The following ASPHD2 variants were observed in gnomAD, a reference collection of about 807,000 sequenced individuals.
ASPHD2 encodes the protein aspartate beta-hydroxylase domain containing 2.
ASPHD2 carries 12 observed loss-of-function variants against 34.6 expected under a neutral mutation model. The ratio of observed to expected loss-of-function variants is 0.35; its 90% confidence interval spans 0.22 to 0.56. ASPHD2 has a LOEUF of 0.56. ASPHD2 is among the 20% of genes least tolerant of loss of function. The probability of loss-of-function intolerance (pLI) is 0.87; values close to 1 mark genes in which losing one functional copy is unlikely to be tolerated. For synonymous variants in ASPHD2, 224 were observed against 212.2 expected, an observed-to-expected ratio of 1.06 and a Z score of -0.48; for missense variants, 375 against 505.0, an observed-to-expected ratio of 0.74 and a Z score of 2.47.
chr22:26,438,216 C>T (rs1326520868), intron 2 of ASPHD2, among the ~76,000 whole-genome samples: 2 of 152,138 alleles, frequency 1.3e-5, no homozygotes, highest in South Asian at 2.1e-4. Context: ...AGTAGGGGCA[C>T]ACGCCAAAGG....
intron 2 of ASPHD2, among the ~76,000 whole-genome samples, chr22:26,441,366 T>A (rs1419176085): frequency 6.6e-6 from 1 of 150,890 alleles, no homozygotes; most frequent in East Asian, 1.9e-4. Flanking sequence ...TAGTCTCAGC[T>A]ACTCAAGAGG....
At chr22:26,436,917 T>G (rs1193385644) in intron 2 of ASPHD2, among the ~76,000 whole-genome samples, 1 of 152,068 alleles carries the variant, frequency 6.6e-6, no homozygotes, top group Admixed American at 6.6e-5. Context: ...TGTCATTCCT[T>G]TCTCAGCCCA....
intron 1 of ASPHD2, among the ~76,000 whole-genome samples, chr22:26,430,559 G>GGA (rs914575592): frequency 2.0e-5 from 3 of 152,218 alleles, no homozygotes; most frequent in African/African-American, 7.2e-5. Flanking sequence ...AGCTGTCGGG[G>GGA]GAGAGAGTCT....
At chr22:26,438,622 C>CAT (rs1568984088) in intron 2 of ASPHD2, among the ~76,000 whole-genome samples, 15 of 131,530 alleles carry the variant, frequency 1.1e-4, no homozygotes, top group South Asian at 2.4e-4. Context: ...TATATATACA[C>CAT]ACATATATAT....
In ASPHD2 at chr22:26,443,521, G is replaced by T; in HGVS notation, c.*315G>T. 1 of 206,872 alleles carries T rather than the reference G, an allele frequency of 4.8e-6. No homozygotes were observed. The highest frequency in any genetic ancestry group is 9.5e-6 in the Non-Finnish European group (1 of 104,870). The allele number at this position is 206,872 out of a possible 1,614,324, so 12.8% of individuals were successfully genotyped here. ...AGAGACTTAGTGCCCTTGTAAGTCT[G>T]TCTTCTGTTGCTACTTGTTTTTTTC... On this transcript the variant is annotated 3_prime_UTR_variant, in exon 4 of 4. Transcript: ENST00000215906.
chr22:26,434,579 T>C lies in ASPHD2; in HGVS notation c.886+78T>C, dbSNP rs929634329. On this transcript the variant is annotated intron_variant, in intron 2 of 3. Coordinates refer to ENST00000215906, the MANE Select transcript of ASPHD2 (RefSeq NM_020437.5). ...CTCTCCATCAAAACATCGCGAAAGC[T>C]CAAATGGTCAGAATTGCGCCTTTTC... is the stretch of plus-strand genomic sequence containing the variant. 48 of 1,462,058 alleles carry C rather than the reference T, an allele frequency of 3.3e-5. No homozygotes were observed. In the African/African-American group the frequency reaches 6.4e-4, roughly 19 times the overall value. 90.6% of individuals were successfully genotyped at this position (1,462,058 alleles called of 1,614,324 possible). A position where few individuals can be genotyped will look rare whatever the true frequency, so the allele number is the denominator to read the frequency against.
intron 2 of ASPHD2, among the ~76,000 whole-genome samples, chr22:26,435,819 A>G (rs2146129209): frequency 6.6e-6 from 1 of 152,334 alleles, no homozygotes; most frequent in African/African-American, 2.4e-5. Context: ...TAAAGGGCGG[A>G]CTGGGTGGAG....
At chr22:26,432,195 CAAAAG>C (rs1209949015) in intron 1 of ASPHD2, among the ~76,000 whole-genome samples, 1 of 152,194 alleles carries the variant, frequency 6.6e-6, no homozygotes, top group African/African-American at 2.4e-5. Context: ...AACTCCGTCT[CAAAAG>C]AAAAGAAACA....
rs778936481 is a variant in ASPHD2 at position 26,433,723 on chromosome 22, C to T, written c.108C>T (p.Ser36=). The T allele has an allele frequency of 6.2e-7, 1 of 1,613,790 alleles. No homozygotes were observed. Residue 36 remains serine (S), a synonymous_variant, in exon 2 of 4, where the codon AGC becomes AGT. Transcript: ENST00000215906. This position sits in a 1 kb window ranked among gnomAD's most constrained non-coding sequence, Gnocchi z 5.1. ...KMSLEWLVAW[S]WSLDGLRDCI... ...CGCTCGAGTGGCTGGTGGCCTGGAG[C>T]TGGTCGCTGGATGGCCTGAGGGACT... is the stretch of plus-strand genomic sequence containing the variant.
At chr22:26,435,730 G>GAAAAGAAAAGAA (rs1360840569) in intron 2 of ASPHD2, among the ~76,000 whole-genome samples, 6 of 31,446 alleles carry the variant, frequency 1.9e-4, no homozygotes, top group African/African-American at 9.2e-4. Context: ...GAAAAGAAAA[G>GAAAAGAAAAGAA]AAAAGAAAAG....
Position 26,433,793 on chromosome 22 carries a change from G to A in ASPHD2, c.178G>A (p.Ala60Thr), listed in dbSNP as rs1337610242. The A allele has an allele frequency of 1.9e-6, 3 of 1,613,834 alleles. No homozygotes were observed. The highest frequency in any genetic ancestry group is 2.5e-6 in the Non-Finnish European group (3 of 1,179,994). The part of the protein sequence containing the change: ...IQSVRDCDTT[A>T]VITVACLLVL... Reference sequence around the variant, plus strand: ...GTCCGTGCGGGACTGCGACACCACCGCTGTCATCACTGTGGCCTGCCTCCT... The same window carrying A: ...GTCCGTGCGGGACTGCGACACCACCACTGTCATCACTGTGGCCTGCCTCCT... Residue 60 changes from alanine to threonine, a missense_variant, in exon 2 of 4, where the codon GCT (alanine) becomes ACT (threonine). Around this residue, in one of 3 missense-constraint regions of ASPHD2, gnomAD observed 223 missense variants for 257.8 expected, o/e 0.87. Coordinates refer to ENST00000215906, the MANE Select transcript of ASPHD2 (RefSeq NM_020437.5). This position sits in a 1 kb window ranked among gnomAD's most constrained non-coding sequence, Gnocchi z 5.1.
chr22:26,439,374 G>A (rs549653495), intron 2 of ASPHD2, among the ~76,000 whole-genome samples: 81 of 152,238 alleles, frequency 5.3e-4, no homozygotes, highest in African/African-American at 1.9e-3. Context: ...ACTCCAGCCT[G>A]GGCGACAGAG....
At chr22:26,442,741 G>A (rs773912717) in intron 3 of ASPHD2, among the ~76,000 whole-genome samples, 169 bp downstream of exon 3, 5 of 152,054 alleles carry the variant, frequency 3.3e-5, no homozygotes, top group Admixed American at 2.6e-4. Flanking sequence ...ATTACCTAAA[G>A]TTCATGGTTG....
In ASPHD2 at chr22:26,434,596, C is replaced by T. The variant is rs540842136; in HGVS notation, c.886+95C>T. The T allele has an allele frequency of 7.8e-5, 107 of 1,373,970 alleles. 2 individuals carry two copies. In the East Asian group the frequency reaches 2.1e-3, roughly 27 times the overall value. 85.1% of individuals were successfully genotyped at this position (1,373,970 alleles called of 1,614,324 possible). A position where few individuals can be genotyped will look rare whatever the true frequency, so the allele number is the denominator to read the frequency against. On this transcript the variant is annotated intron_variant, in intron 2 of 3. Transcript: ENST00000215906. Reference sequence around the variant, plus strand: ...GCGAAAGCTCAAATGGTCAGAATTGCGCCTTTTCGCATTGTTCACTTTTAG... The same window carrying T: ...GCGAAAGCTCAAATGGTCAGAATTGTGCCTTTTCGCATTGTTCACTTTTAG...
In ASPHD2 at chr22:26,443,538, G is replaced by GT. The variant is rs1238330112; in HGVS notation, c.*339dup. 1.8e-5 allele frequency: 3 copies of GT among 167,842 alleles called. No individual in the cohort carries two copies. The highest frequency in any genetic ancestry group is 1.6e-4 in the East Asian group (1 of 6,126). 10.4% of individuals were successfully genotyped at this position (167,842 alleles called of 1,614,324 possible). A position where few individuals can be genotyped will look rare whatever the true frequency, so the allele number is the denominator to read the frequency against. On this transcript the variant is annotated 3_prime_UTR_variant, in exon 4 of 4. Transcript: ENST00000215906. ...GTAAGTCTGTCTTCTGTTGCTACTT[G>GT]TTTTTTTCAGTGCTCTGAAATAGAG...
chr22:26,430,936 G>T (rs548839651), intron 1 of ASPHD2, among the ~76,000 whole-genome samples: 7 of 152,178 alleles, frequency 4.6e-5, no homozygotes, highest in Non-Finnish European at 1.0e-4. Flanking sequence ...CAGGGCTGGG[G>T]TGTCCAGTGG....
intron 1 of ASPHD2, among the ~76,000 whole-genome samples, chr22:26,431,746 C>G (rs1167562701): frequency 6.6e-6 from 1 of 152,212 alleles, no homozygotes; most frequent in Non-Finnish European, 1.5e-5. Context: ...TCGTGCCCCA[C>G]CTTTGGAACG....
rs1315045807 is a variant in ASPHD2 at position 26,443,526 on chromosome 22, C to T, written c.*320C>T. The T allele has an allele frequency of 3.0e-5, 6 of 200,248 alleles. No homozygotes were observed. In the East Asian group the frequency reaches 6.1e-4, roughly 21 times the overall value. The allele number at this position is 200,248 out of a possible 1,614,324, so 12.4% of individuals were successfully genotyped here. ...CTTAGTGCCCTTGTAAGTCTGTCTT[C>T]TGTTGCTACTTGTTTTTTTCAGTGC... On this transcript the variant is annotated 3_prime_UTR_variant, in exon 4 of 4. Transcript: ENST00000215906.
intron 2 of ASPHD2, among the ~76,000 whole-genome samples, chr22:26,438,570 T>TACATATATAC (rs2084812345): frequency 8.2e-6 from 1 of 122,300 alleles, no homozygotes; most frequent in South Asian, 2.6e-4. Context: ...TATATACACA[T>TACATATATAC]ACATATATAT....
Sources: gnomAD v4.1 joint callset for allele counts (sites outside exome capture counted in the v4.1 genomes callset) on GRCh38, gnomAD v4.1.1 for gene constraint, gnomAD v4.1.1 regional missense constraint, Gnocchi (gnomAD v3.1) non-coding constraint, MANE v1.5 for transcripts, NCBI Gene and HGNC (gene_info 2026-07-23, HGNC 2026-07-21) for gene names.